Variants in CAST observed in about 807,000 individuals in gnomAD.
CAST encodes calpastatin, also known as MIR583 host.
Under a neutral mutation model 119.6 loss-of-function variants are expected in CAST, and 76 were observed. The observed-to-expected ratio is 0.64, with a 90% CI of 0.53 to 0.77. The LOEUF (loss-of-function observed/expected upper bound fraction) is 0.77, where lower values mean the gene tolerates loss of function less well. Among genes scored for constraint, CAST ranks in the 30% least tolerant of loss-of-function variants. The probability of loss-of-function intolerance (pLI) is 0.00; values close to 1 mark genes in which losing one functional copy is unlikely to be tolerated. For synonymous variants in CAST, 319 were observed against 331.6 expected, an observed-to-expected ratio of 0.96 and a Z score of 0.41; for missense variants, 953 against 946.5, an observed-to-expected ratio of 1.01 and a Z score of -0.09.
the CAST span, among the ~76,000 whole-genome samples, chr5:96,091,385 A>G: frequency 4.7e-5 from 7 of 149,306 alleles, no homozygotes; most frequent in African/African-American, 1.5e-4. Context: ...TTGTATTTTT[A>G]GTGGAGATGG....
the CAST span, among the ~76,000 whole-genome samples, chr5:96,127,056 AC>A: frequency 6.6e-6 from 1 of 152,146 alleles, no homozygotes; most frequent in Admixed American, 6.6e-5. Context: ...TGGTATTTGA[AC>A]AGCTCAATGT....
At chr5:96,731,035 T>A (rs867187877) in intron 9 of CAST, among the ~76,000 whole-genome samples, 175 bp downstream of exon 9, 1 of 152,194 alleles carries the variant, frequency 6.6e-6, no homozygotes, top group African/African-American at 2.4e-5. Flanking sequence ...CCAAAAATAA[T>A]TTGTAAATTT....
At chr5:96,334,348 A>G in the CAST span, among the ~76,000 whole-genome samples, 8 of 152,156 alleles carry the variant, frequency 5.3e-5, no homozygotes, top group African/African-American at 1.9e-4. Context: ...AGAAAGGTCC[A>G]TTTAAAGGCT....
rs529150001 is a variant in CAST at position 96,710,563 on chromosome 5, C to T, written c.211-12076C>T. Among the ~76,000 whole-genome samples the T allele has an allele frequency of 4.6e-5, 7 of 152,208 alleles. No individual in the cohort carries two copies. In the South Asian group the frequency reaches 1.0e-3, roughly 23 times the overall value. On this transcript the variant is annotated intron_variant, in intron 3 of 31. Transcript: ENST00000675179. ...ATTCTCTTCCAGGACCATTTCTACC[C>T]GTTATGTCAAGAACCACTGAGCTAC...
chr5:96,059,978 A>G, the CAST span, among the ~76,000 whole-genome samples: 6 of 152,140 alleles, frequency 3.9e-5, no homozygotes, highest in East Asian at 7.7e-4. Context: ...GAAAAAAACC[A>G]TACAGATCCT....
chr5:96,129,589 G>T, the CAST span, among the ~76,000 whole-genome samples: 17 of 152,198 alleles, frequency 1.1e-4, no homozygotes, highest in East Asian at 2.9e-3. Context: ...TGAGGAAATT[G>T]TTCACTTTTG....
At chr5:96,266,232 C>A in the CAST span, among the ~76,000 whole-genome samples, 1 of 152,154 alleles carries the variant, frequency 6.6e-6, no homozygotes, top group Admixed American at 6.5e-5. Context: ...AATGCCTCCT[C>A]CTAATCTGGC....
the CAST span, among the ~76,000 whole-genome samples, chr5:96,491,440 G>A: frequency 0.017 from 2,143 of 123,658 alleles, 66 homozygotes; most frequent in African/African-American, 0.061. Flanking sequence ...GCAGTGAGCC[G>A]AGATCACGCC....
At chr5:96,190,539 G>T in the CAST span, among the ~76,000 whole-genome samples, 1 of 152,122 alleles carries the variant, frequency 6.6e-6, no homozygotes, top group African/African-American at 2.4e-5. Flanking sequence ...ATGTCCGCAG[G>T]ATTCTATCTG....
chr5:96,662,225 C>A, upstream of CAST: 1 of 559,958 alleles, frequency 1.8e-6, no homozygotes, highest in Non-Finnish European at 2.8e-6. Flanking sequence ...CCTCCGCGGG[C>A]AGGAAGGGGA....
chr5:96,012,954 A>G, the CAST span, among the ~76,000 whole-genome samples: 1 of 152,168 alleles, frequency 6.6e-6, no homozygotes, highest in African/African-American at 2.4e-5. Context: ...TAAGATGCAG[A>G]GTTATTCCAG....
At chr5:96,076,992 C>CT in the CAST span, among the ~76,000 whole-genome samples, 1 of 150,830 alleles carries the variant, frequency 6.6e-6, no homozygotes, top group Non-Finnish European at 1.5e-5. Flanking sequence ...TTATATTATG[C>CT]TTTTTTATGT....
chr5:96,764,786 G>A (rs764220599), intron 25 of CAST, among the ~76,000 whole-genome samples: 19 of 152,230 alleles, frequency 1.2e-4, no homozygotes, highest in Non-Finnish European at 1.9e-4. Context: ...CTAACCATCT[G>A]ACAACATTAG....
At chr5:96,508,792 T>C in the CAST span, among the ~76,000 whole-genome samples, 161 of 152,292 alleles carry the variant, frequency 1.1e-3, no homozygotes, top group African/African-American at 3.8e-3. Flanking sequence ...ATTAGAGTCA[T>C]AAGCTTGTAA....
At chr5:96,367,529 G>A in the CAST span, among the ~76,000 whole-genome samples, 10 of 151,360 alleles carry the variant, frequency 6.6e-5, no homozygotes, top group Admixed American at 2.0e-4. Flanking sequence ...AATGGTAGGC[G>A]CCCCTCCCCC....
At chr5:96,765,997 T>A in intron 26 of CAST, 56 bp from the exon 27 acceptor site, 1 of 982,190 alleles carries the variant, frequency 1.0e-6, no homozygotes, top group Non-Finnish European at 1.6e-6. Context: ...TGACAATGTA[T>A]TTTCTAAGTG....
At chr5:96,717,319 G>A (rs897154926) in intron 3 of CAST, among the ~76,000 whole-genome samples, 5 of 152,210 alleles carry the variant, frequency 3.3e-5, no homozygotes, top group African/African-American at 1.2e-4. Context: ...TGCAAATAGT[G>A]TATCTTGAGC....
the CAST span, among the ~76,000 whole-genome samples, chr5:96,118,661 G>A: frequency 4.9e-5 from 7 of 142,530 alleles, no homozygotes; most frequent in Non-Finnish European, 9.0e-5. Context: ...CATTGTGTTC[G>A]TGGACTGGTG....
chr5:96,313,479 T>C, the CAST span, among the ~76,000 whole-genome samples: 1 of 152,196 alleles, frequency 6.6e-6, no homozygotes. Context: ...ATAATGCTTC[T>C]TAGATTCATC....
Sources: allele counts gnomAD v4.1 joint callset (sites outside exome capture counted in the v4.1 genomes callset), GRCh38; gene constraint gnomAD v4.1.1; transcripts MANE v1.5; gene names NCBI Gene and HGNC (gene_info 2026-07-23, HGNC 2026-07-21).